Variants in NPIPA9 observed in about 807,000 individuals in gnomAD.
The protein encoded by NPIPA9 is nuclear pore complex-interacting protein family member A9.
At chr16:18,365,564 T>G (rs1596822042) in intron 4 of NPIPA9, among the ~76,000 whole-genome samples, 1 of 2,626 alleles carries the variant, frequency 3.8e-4, no homozygotes, top group East Asian at 1.7e-3. Context: ...GGTGACAGAG[T>G]GAGACTCTGT....
intron 3 of NPIPA9, among the ~76,000 whole-genome samples, chr16:18,371,477 A>AAAAAAAAAAAAAAAAAAAAAAAAAAG (rs1214808508): frequency 8.1e-6 from 1 of 123,708 alleles, no homozygotes; most frequent in African/African-American, 3.0e-5. Flanking sequence ...AAAAAAAAAA[A>AAAAAAAAAAAAAAAAAAAAAAAAAAG]GTCATCAAAC....
chr16:18,375,215 C>T (rs541451735), intron 1 of NPIPA9, 146 bp from the exon 2 acceptor site: 12 of 518,568 alleles, frequency 2.3e-5, no homozygotes, highest in South Asian at 2.2e-4. Context: ...ACATCTGCAC[C>T]GTCCGTGATG....
At chr16:18,364,963 A>T in intron 4 of NPIPA9, among the ~76,000 whole-genome samples, 1 of 1,880 alleles carries the variant, frequency 5.3e-4, no homozygotes, top group Non-Finnish European at 6.3e-3. Context: ...ACACACACAC[A>T]CACACAACAC....
At position 18,375,216 on chromosome 16, in the gene NPIPA9, G is replaced by A. The variant is rs1443908228; in HGVS notation, c.-307-147C>T. ...GCTAGATATATGGGACATCTGCACCGTCCGTGATGGCAGCCCCTCGCGACA... is the reference window on the plus strand; with the variant it reads ...GCTAGATATATGGGACATCTGCACCATCCGTGATGGCAGCCCCTCGCGACA... On this transcript the variant is annotated intron_variant, in intron 1 of 9. Transcript: ENST00000427999. 4.8e-5 allele frequency: 25 copies of A among 519,606 alleles called. 4 individuals carry two copies. The highest frequency in any genetic ancestry group is 4.1e-4 in the East Asian group (13 of 31,510). 32.2% of individuals were successfully genotyped at this position (519,606 alleles called of 1,614,324 possible). A position where few individuals can be genotyped will look rare whatever the true frequency, so the allele number is the denominator to read the frequency against.
intron 1 of NPIPA9, 136 bp downstream of exon 1, chr16:18,376,600 T>C: frequency 5.5e-6 from 1 of 180,758 alleles, no homozygotes; most frequent in Non-Finnish European, 1.0e-5. Flanking sequence ...GCTGCTCAAG[T>C]GTGTTGACCC....
intron 4 of NPIPA9, among the ~76,000 whole-genome samples, chr16:18,367,477 TTGAA>T (rs1596822229): frequency 1.5e-5 from 1 of 66,978 alleles, no homozygotes; most frequent in Middle Eastern, 8.3e-3. Context: ...AACATGCACT[TTGAA>T]TGATGTCATT....
intron 2 of NPIPA9, among the ~76,000 whole-genome samples, chr16:18,374,106 G>A (rs1243261760): frequency 4.2e-4 from 2 of 4,808 alleles, no homozygotes; most frequent in Admixed American, 1.9e-3. Context: ...CAAAACTATG[G>A]AATTCAATTC....
At chr16:18,369,909 T>C (rs1226264528) in intron 3 of NPIPA9, among the ~76,000 whole-genome samples, 2 of 146,348 alleles carry the variant, frequency 1.4e-5, no homozygotes, top group Non-Finnish European at 3.0e-5. Context: ...ATCTTTGTCA[T>C]TTAAAGCTCA....
At chr16:18,364,983 G>T (rs1900489758) in intron 4 of NPIPA9, among the ~76,000 whole-genome samples, 1 of 136,786 alleles carries the variant, frequency 7.3e-6, no homozygotes, top group Non-Finnish European at 1.6e-5. Flanking sequence ...CAACACACAA[G>T]AATGACATGA....
chr16:18,363,501 A>G (rs1900471463), intron 6 of NPIPA9, among the ~76,000 whole-genome samples: 1 of 113,340 alleles, frequency 8.8e-6, no homozygotes, highest in African/African-American at 3.9e-5. Flanking sequence ...TCTCAAAAAA[A>G]AAAAAAAAAA....
At chr16:18,370,348 G>A (rs1173343020) in intron 3 of NPIPA9, among the ~76,000 whole-genome samples, 12 of 122,274 alleles carry the variant, frequency 9.8e-5, no homozygotes, top group Admixed American at 4.3e-4. Context: ...CATGAATAGC[G>A]TGGGATTTCT....
At chr16:18,363,574 G>T in intron 6 of NPIPA9, among the ~76,000 whole-genome samples, 1 of 57,782 alleles carries the variant, frequency 1.7e-5, no homozygotes, top group Non-Finnish European at 3.2e-5. Context: ...AGCCAAGGCA[G>T]AATTGCTTCA....
chr16:18,371,280 C>T (rs901699234), intron 3 of NPIPA9: 2 of 111,202 alleles, frequency 1.8e-5, no homozygotes, highest in African/African-American at 4.7e-5. Flanking sequence ...TCCTGGCGAA[C>T]ACGGTGAAAC....
intron 4 of NPIPA9, among the ~76,000 whole-genome samples, chr16:18,364,932 C>T: frequency 1.2e-4 from 1 of 8,002 alleles, no homozygotes; most frequent in Non-Finnish European, 2.7e-4. Context: ...CAGAATGAGA[C>T]TCTGTCACAC....
At chr16:18,375,446 G>A (rs1939672252) in intron 1 of NPIPA9, among the ~76,000 whole-genome samples, 1 of 137,052 alleles carries the variant, frequency 7.3e-6, no homozygotes, top group Non-Finnish European at 1.6e-5. Context: ...GATTACAGGT[G>A]CCTGCCACGA....
At chr16:18,369,880 T>A (rs1900516058) in intron 3 of NPIPA9, among the ~76,000 whole-genome samples, 1 of 141,764 alleles carries the variant, frequency 7.1e-6, no homozygotes, top group Non-Finnish European at 1.5e-5. Context: ...AAATAATACT[T>A]CTCTCTTGGA....
chr16:18,365,307 G>A (rs1900496234), intron 4 of NPIPA9, among the ~76,000 whole-genome samples: 1 of 78,518 alleles, frequency 1.3e-5, no homozygotes, highest in Non-Finnish European at 2.3e-5. Flanking sequence ...TAGGCCAGGT[G>A]CGGTAGCTCA....
intron 3 of NPIPA9, among the ~76,000 whole-genome samples, chr16:18,369,950 A>G (rs1291653367): frequency 1.7e-4 from 25 of 148,046 alleles, no homozygotes. Context: ...AAATACAATG[A>G]AGAGATTACT....
At chr16:18,372,111 G>A (rs1237750417) in intron 3 of NPIPA9, 3 of 75,670 alleles carry the variant, frequency 4.0e-5, no homozygotes, top group Non-Finnish European at 7.2e-5. Context: ...CTGAGTTGGG[G>A]AGGGGGAGGG....
Sources: gnomAD v4.1 joint callset for allele counts (sites outside exome capture counted in the v4.1 genomes callset) on GRCh38, gnomAD v4.1.1 for gene constraint, MANE v1.5 for transcripts, NCBI Gene and HGNC (gene_info 2026-07-23, HGNC 2026-07-21) for gene names.